ACTR6: variants seen among roughly 807,000 people sequenced by gnomAD.
The protein encoded by ACTR6 is actin related protein 6.
ACTR6 carries 50 observed loss-of-function variants against 52.5 expected under a neutral mutation model. That is an observed-to-expected ratio of 0.95 (90% CI 0.76 to 1.20). ACTR6 has a LOEUF of 1.20. ACTR6 is among the 50% of genes most tolerant of loss of function. The pLI is 0.00. For missense variants in ACTR6, 344 were observed against 472.4 expected, an observed-to-expected ratio of 0.73 and a Z score of 2.52; for synonymous variants, 135 against 147.2, an observed-to-expected ratio of 0.92 and a Z score of 0.60.
chr12:100,223,183 CA>C (rs201981419), intron 10 of ACTR6, among the ~76,000 whole-genome samples: 9,575 of 151,736 alleles, frequency 0.063, 332 homozygotes, highest in Middle Eastern at 0.14. Flanking sequence ...ACTAAAAATA[CA>C]AAAAAAATTA....
At position 100,220,073 on chromosome 12, in the gene ACTR6, A is replaced by C; in HGVS notation, c.988A>C (p.Arg330=). 6.2e-7 allele frequency: 1 copy of C among 1,613,972 alleles called. No homozygotes were observed. Among genetic ancestry groups the C allele is most frequent in the Non-Finnish European group, 8.5e-7 (1 of 1,179,924 alleles). The part of the protein sequence containing the change: ...TGGNSLFPGF[R]DRVYSEVRCL... Reference sequence around the variant, plus strand: ...AGGAAATTCCCTTTTCCCAGGATTTAGGGATCGGGTTTACTCAGAAGTTCG... The same window carrying C: ...AGGAAATTCCCTTTTCCCAGGATTTCGGGATCGGGTTTACTCAGAAGTTCG... The change falls in exon 10 of 11, where the codon AGG becomes CGG. Residue 330 remains arginine (R), a synonymous_variant. Coordinates refer to ENST00000188312, the MANE Select transcript of ACTR6 (RefSeq NM_022496.5).
At chr12:100,205,113 A>T in intron 2 of ACTR6, 56 bp downstream of exon 2, 2 of 1,119,336 alleles carry the variant, frequency 1.8e-6, no homozygotes, top group Non-Finnish European at 2.5e-6. Context: ...TTTAAAGATA[A>T]TTTTAATTGT....
chr12:100,203,736 T>A (rs2096111934), intron 1 of ACTR6: 1 of 148,892 alleles, frequency 6.7e-6, no homozygotes, highest in Non-Finnish European at 1.5e-5. Context: ...CTGCAAGCTC[T>A]GCCTCCCGGG....
At position 100,212,237 on chromosome 12, in the gene ACTR6, CA is replaced by C; in HGVS notation, c.573-17del. 1 of 1,494,528 alleles carries C rather than the reference CA, an allele frequency of 6.7e-7. No individual in the cohort carries two copies. The highest frequency in any genetic ancestry group is 2.3e-5 in the East Asian group (1 of 43,102). 92.6% of individuals were successfully genotyped at this position (1,494,528 alleles called of 1,614,324 possible). A position where few individuals can be genotyped will look rare whatever the true frequency, so the allele number is the denominator to read the frequency against. ...TTTAATTGTTTTGCTTCAAATTTTACAACTTTTATTTCTGTTAGGCAGCTAC... is the reference window on the plus strand; with the variant it reads ...TTTAATTGTTTTGCTTCAAATTTTACACTTTTATTTCTGTTAGGCAGCTAC... On this transcript the variant is annotated intron_variant, in intron 6 of 10. Transcript: ENST00000188312.
At chr12:100,209,537 C>T (rs2096118078) in intron 4 of ACTR6, among the ~76,000 whole-genome samples, 1 of 152,060 alleles carries the variant, frequency 6.6e-6, no homozygotes, top group South Asian at 2.1e-4. Flanking sequence ...TGTTAAACAT[C>T]CTACAACGCA....
At chr12:100,223,336 G>A (rs377644305) in intron 10 of ACTR6, among the ~76,000 whole-genome samples, 1 of 150,948 alleles carries the variant, frequency 6.6e-6, no homozygotes, top group African/African-American at 2.4e-5. Context: ...GTGAGACTCC[G>A]TCTCAAAAAA....
intron 3 of ACTR6, among the ~76,000 whole-genome samples, chr12:100,206,833 T>C (rs1323888198): frequency 3.6e-5 from 5 of 139,170 alleles, no homozygotes; most frequent in African/African-American, 1.4e-4. Flanking sequence ...CACACCTGGC[T>C]CTTTTTTTTT....
intron 5 of ACTR6, 35 bp from the exon 6 acceptor site, chr12:100,210,260 T>A (rs768429094): frequency 3.7e-6 from 6 of 1,609,800 alleles, no homozygotes; most frequent in African/African-American, 1.3e-5. Flanking sequence ...CAGAATGATA[T>A]GTGCGATAAT....
At chr12:100,223,701 TG>T (rs1378897072) in intron 10 of ACTR6, 84 bp from the exon 11 acceptor site, 3 of 1,493,160 alleles carry the variant, frequency 2.0e-6, no homozygotes, top group Non-Finnish European at 2.7e-6. Flanking sequence ...AAATTACTTT[TG>T]CACCAACCTA....
chr12:100,202,201 G>T (rs1306233450), intron 1 of ACTR6, among the ~76,000 whole-genome samples: 1 of 152,100 alleles, frequency 6.6e-6, no homozygotes, highest in Non-Finnish European at 1.5e-5. Flanking sequence ...AAAGTGCTGG[G>T]ATTACAGGTG....
chr12:100,223,027 T>C (rs1361783440), intron 10 of ACTR6, among the ~76,000 whole-genome samples: 1 of 152,166 alleles, frequency 6.6e-6, no homozygotes, highest in African/African-American at 2.4e-5. Flanking sequence ...TCTCTGAGCC[T>C]CATTTTTCAA....
rs2096126979 is a variant in ACTR6, at chr12:100,220,134, T to C, written c.1049T>C (p.Val350Ala). 1.2e-6 allele frequency: 2 copies of C among 1,612,072 alleles called. No individual in the cohort carries two copies. The highest frequency in any genetic ancestry group is 2.2e-5 in the South Asian group (2 of 90,728). ...CCAACAGATTATGATGTTTCTGTTG[T>C]GCTGCCTGAAAAGTAAGTGTTGTTT... ...LTPTDYDVSVVLPENPITYAW... is the reference protein window; with the variant it reads ...LTPTDYDVSVALPENPITYAW... The change falls in exon 10 of 11, where the codon GTG (valine) becomes GCG (alanine). Residue 350 changes from valine (V) to alanine (A), a missense_variant. Transcript: ENST00000188312.
intron 6 of ACTR6, 31 bp downstream of exon 6, chr12:100,210,382 T>C: frequency 6.3e-7 from 1 of 1,596,030 alleles, no homozygotes; most frequent in Non-Finnish European, 8.6e-7. Flanking sequence ...TTTGGGAGGA[T>C]GGGGCTCTGG....
intron 1 of ACTR6, 126 bp downstream of exon 1, chr12:100,201,045 C>A (rs2096109259): frequency 1.3e-6 from 2 of 1,553,492 alleles, no homozygotes; most frequent in Non-Finnish European, 1.7e-6. Context: ...CAGAGGGATT[C>A]CCTGGTTGGA....
chr12:100,213,585 T>C (rs546586907), intron 8 of ACTR6, among the ~76,000 whole-genome samples: 1 of 152,326 alleles, frequency 6.6e-6, no homozygotes, highest in African/African-American at 2.4e-5. Context: ...ACTTAAAAAT[T>C]AGTTTAAATT....
intron 10 of ACTR6, chr12:100,221,541 T>G (rs1167723739): frequency 6.6e-6 from 1 of 152,142 alleles, no homozygotes; most frequent in African/African-American, 2.4e-5. Context: ...TAAATTTTTA[T>G]TGTGCGTCTA....
chr12:100,215,186 G>C (rs2096123060), intron 8 of ACTR6, among the ~76,000 whole-genome samples: 1 of 152,158 alleles, frequency 6.6e-6, no homozygotes, highest in South Asian at 2.1e-4. Flanking sequence ...CGTGTTCTCA[G>C]TTCCTCTTCC....
rs1008854533 is a variant in ACTR6, at chr12:100,216,930, A to C, written c.751-1485A>C. Among the ~76,000 whole-genome samples the C allele has an allele frequency of 3.3e-5, 5 of 152,090 alleles. 1 individual carries two copies. Among genetic ancestry groups the C allele is most frequent in the Admixed American group, 2.0e-4 (3 of 15,260 alleles). On this transcript the variant is annotated intron_variant, in intron 8 of 10. Transcript: ENST00000188312. ...CTGTATAATTTTCAGGATATTTTTT[A>C]TTTTAGAATAATGTTTTGAGCATGG...
intron 1 of ACTR6, 174 bp downstream of exon 1, chr12:100,201,093 AT>A: frequency 4.8e-6 from 7 of 1,445,490 alleles, no homozygotes; most frequent in Non-Finnish European, 6.4e-6. Context: ...ATTGAAATTG[AT>A]TTTGGTTTTA....
Sources: allele counts gnomAD v4.1 joint callset (sites outside exome capture counted in the v4.1 genomes callset), GRCh38; gene constraint gnomAD v4.1.1; transcripts MANE v1.5; gene names NCBI Gene and HGNC (gene_info 2026-07-23, HGNC 2026-07-21).